The following F13A1 variants were observed in gnomAD, a reference collection of about 807,000 sequenced individuals.
The protein encoded by F13A1 is coagulation factor XIII A chain, also known as FSF, A subunit.
F13A1 carries 47 observed loss-of-function variants against 80.1 expected under a neutral mutation model. The ratio of observed to expected loss-of-function variants is 0.59; its 90% CI spans 0.46 to 0.75. F13A1 has a LOEUF of 0.75. Among genes scored for constraint, F13A1 ranks in the 30% least tolerant of loss-of-function variants. The probability of loss-of-function intolerance (pLI) is 0.00; values close to 1 mark genes in which losing one functional copy is unlikely to be tolerated. For missense variants in F13A1, 817 were observed against 930.4 expected, an observed-to-expected ratio of 0.88 and a Z score of 1.59; for synonymous variants, 349 against 344.9, an observed-to-expected ratio of 1.01 and a Z score of -0.13.
At chr6:6,302,935 C>T (rs1301487908) in intron 3 of F13A1, among the ~76,000 whole-genome samples, 2 of 152,138 alleles carry the variant, frequency 1.3e-5, no homozygotes, top group African/African-American at 4.8e-5. Flanking sequence ...GTCTTTTTTA[C>T]ATTAATACTC....
At chr6:6,147,940 A>T (rs902473306) in intron 14 of F13A1, among the ~76,000 whole-genome samples, 1 of 152,232 alleles carries the variant, frequency 6.6e-6, no homozygotes, top group African/African-American at 2.4e-5. Context: ...CTGAGCCATC[A>T]GGAGATACCG....
chr6:6,303,432 T>G (rs1431561339), intron 3 of F13A1, among the ~76,000 whole-genome samples: 1 of 152,178 alleles, frequency 6.6e-6, no homozygotes, highest in Non-Finnish European at 1.5e-5. Context: ...TATGGGGTTT[T>G]GGGATGTGAT....
chr6:6,258,396 C>T (rs1365359088), intron 4 of F13A1, among the ~76,000 whole-genome samples: 1 of 152,162 alleles, frequency 6.6e-6, no homozygotes, highest in Non-Finnish European at 1.5e-5. Flanking sequence ...ATAAGGATTA[C>T]ACCTTCCAAA....
At chr6:6,155,706 T>C (rs1462417668) in intron 13 of F13A1, among the ~76,000 whole-genome samples, 1 of 152,194 alleles carries the variant, frequency 6.6e-6, no homozygotes, top group Non-Finnish European at 1.5e-5. Context: ...CTTGCTTCTT[T>C]TGAGGAAAAT....
chr6:6,259,850 G>T (rs1201638835), intron 4 of F13A1, among the ~76,000 whole-genome samples: 1 of 152,158 alleles, frequency 6.6e-6, no homozygotes, highest in African/African-American at 2.4e-5. Flanking sequence ...GGTAACTGAT[G>T]CCCAATCAAA....
In F13A1 at chr6:6,175,123, C is replaced by T. The variant is rs552509503; in HGVS notation, c.1460-256G>A. 7.9e-5 allele frequency among the ~76,000 whole-genome samples: 12 copies of T among 152,196 alleles called. No individual in the cohort carries two copies. The South Asian group carries it at 1.2e-3, about 16-fold the overall frequency. ...GGATCTATCCAGAAAGGGGTTTCTC[C>T]GGGGCCACTATTTCAGGGGGTGGGA... On this transcript the variant is annotated intron_variant, in intron 11 of 14. Transcript: ENST00000264870.
intron 3 of F13A1, among the ~76,000 whole-genome samples, chr6:6,304,391 G>C (rs952282790): frequency 3.3e-5 from 5 of 152,098 alleles, no homozygotes; most frequent in Non-Finnish European, 7.4e-5. Flanking sequence ...CTCTGTGCAT[G>C]TATTTCCTTG....
In F13A1 at chr6:6,227,749, C is replaced by T. The variant is rs149927424; in HGVS notation, c.799-2889G>A. On this transcript the variant is annotated intron_variant, in intron 6 of 14. Coordinates refer to ENST00000264870, the MANE Select transcript of F13A1 (RefSeq NM_000129.4). The stretch of plus-strand genomic sequence containing the variant: ...TTTTCAAACAGATAGCCATTAATTA[C>T]AAGGGCTATTTATAGCATAGGGCTG... Among the ~76,000 whole-genome samples, 289 of 152,264 alleles carry T rather than the reference C, an allele frequency of 1.9e-3. 2 individuals carry two copies. The highest frequency in any genetic ancestry group is 6.8e-3 in the Middle Eastern group (2 of 294).
intron 4 of F13A1, among the ~76,000 whole-genome samples, chr6:6,253,949 C>T (rs1757670637): frequency 6.6e-6 from 1 of 152,168 alleles, no homozygotes; most frequent in South Asian, 2.1e-4. Context: ...TTAAGAGGCA[C>T]ATGTGTGTCT....
intron 4 of F13A1, among the ~76,000 whole-genome samples, chr6:6,262,950 C>T (rs1290269208): frequency 6.6e-6 from 1 of 152,116 alleles, no homozygotes; most frequent in East Asian, 1.9e-4. Flanking sequence ...ACCCCAAAGC[C>T]CAGGCTGCAG....
At chr6:6,159,041 A>G (rs1760528488) in intron 13 of F13A1, among the ~76,000 whole-genome samples, 1 of 151,714 alleles carries the variant, frequency 6.6e-6, no homozygotes. Context: ...AGCAGGGACT[A>G]CAGGTGCCCG....
At chr6:6,169,620 C>T (rs528274282) in intron 12 of F13A1, among the ~76,000 whole-genome samples, 1 of 152,250 alleles carries the variant, frequency 6.6e-6, no homozygotes, top group South Asian at 2.1e-4. Flanking sequence ...ATGTTATCCC[C>T]AGGGGACATT....
chr6:6,165,759 A>G (rs1004666397), intron 13 of F13A1, among the ~76,000 whole-genome samples: 1 of 152,216 alleles, frequency 6.6e-6, no homozygotes, highest in African/African-American at 2.4e-5. Context: ...CTCATGGATG[A>G]TGGTACCTCT....
At chr6:6,147,549 T>G (rs1333454295) in intron 14 of F13A1, among the ~76,000 whole-genome samples, 2 of 152,222 alleles carry the variant, frequency 1.3e-5, no homozygotes, top group Non-Finnish European at 2.9e-5. Context: ...TCTCAACAGC[T>G]GTGCTATTGT....
At chr6:6,160,821 C>G (rs992203004) in intron 13 of F13A1, among the ~76,000 whole-genome samples, 1 of 149,900 alleles carries the variant, frequency 6.7e-6, no homozygotes, top group Non-Finnish European at 1.5e-5. Context: ...TTTAAAAACT[C>G]TTGGAAACAG....
chr6:6,318,688 G>GAA lies in F13A1; in HGVS notation c.-18-8_-18-7dup, dbSNP rs398000295. 249,353 of 1,392,994 alleles carry GAA rather than the reference G, an allele frequency of 0.18. 20 individuals are homozygous for GAA. Among genetic ancestry groups the GAA allele is most frequent in the Non-Finnish European group, 0.19 (196,305 of 1,033,292 alleles). 86.3% of individuals were successfully genotyped at this position (1,392,994 alleles called of 1,614,324 possible). A position where few individuals can be genotyped will look rare whatever the true frequency, so the allele number is the denominator to read the frequency against. On this transcript the variant is annotated splice_region_variant and splice_polypyrimidine_tract_variant and intron_variant, in intron 1 of 14. Coordinates refer to ENST00000264870, the MANE Select transcript of F13A1 (RefSeq NM_000129.4). ...ATTTTTGACTTTACAAGGTCCTTCA[G>GAA]AAAAAAAAAAAAAAGAAGACAACAG...
chr6:6,248,241 A>G (rs1757580197), intron 6 of F13A1, 71 bp downstream of exon 6: 7 of 1,210,634 alleles, frequency 5.8e-6, no homozygotes, highest in Non-Finnish European at 8.6e-6. Context: ...AGCAGCTCTT[A>G]ATGAACTGGC....
At chr6:6,314,139 C>A (rs1674050) in intron 2 of F13A1, among the ~76,000 whole-genome samples, 110,069 of 150,978 alleles carry the variant, frequency 0.73, 40,460 homozygotes, top group East Asian at 0.85. Flanking sequence ...CAACCACCAC[C>A]CCAGGCTAAT....
intron 11 of F13A1, among the ~76,000 whole-genome samples, chr6:6,181,334 G>A (rs183939778): frequency 2.6e-5 from 4 of 152,248 alleles, no homozygotes; most frequent in South Asian, 2.1e-4. Flanking sequence ...TGCTGGAATC[G>A]CCAGCACCAA....
Sources: gnomAD v4.1 joint callset for allele counts (sites outside exome capture counted in the v4.1 genomes callset) on GRCh38, gnomAD v4.1.1 for gene constraint, MANE v1.5 for transcripts, NCBI Gene and HGNC (gene_info 2026-07-23, HGNC 2026-07-21) for gene names.